Variants in PTPRF observed in about 807,000 individuals in gnomAD.
PTPRF encodes the protein protein tyrosine phosphatase receptor type F, also known as receptor-type tyrosine-protein phosphatase F.
PTPRF carries 59 observed loss-of-function variants against 201.8 expected under a neutral mutation model. The observed-to-expected ratio is 0.29, with a 90% CI of 0.24 to 0.36. PTPRF has a LOEUF of 0.36. Ranked by LOEUF, PTPRF falls within the 10% of genes least tolerant of loss-of-function variation. PTPRF has a pLI of 1.00. For synonymous variants in PTPRF, 1,088 were observed against 1,089.7 expected (o/e 1.00, Z 0.03); for missense variants, 2,132 against 2,690.5 (o/e 0.79, Z 4.59).
At chr1:43,590,136 G>A (rs10890262) in intron 8 of PTPRF, among the ~76,000 whole-genome samples, 39,518 of 151,978 alleles carry the variant, frequency 0.26, 6,080 homozygotes, top group East Asian at 0.48. Context: ...TCCGTTTGCC[G>A]TGCTCCTTGC....
intron 5 of PTPRF, among the ~76,000 whole-genome samples, chr1:43,559,912 C>T (rs1203255875): frequency 1.4e-4 from 16 of 116,334 alleles, no homozygotes; most frequent in Admixed American, 8.8e-4. Flanking sequence ...TGTGTGCGCG[C>T]GTGTGTACAG....
At position 43,605,276 on chromosome 1, in the gene PTPRF, G is replaced by T; in HGVS notation, c.3222G>T (p.Ser1074=). ...IADLQPNTEY[S]FVLMNRGSSA... ...ACCTGCAGCCCAACACAGAGTACTCGTTTGTGCTGATGAACCGTGGCAGCA... is the reference window on the plus strand; with the variant it reads ...ACCTGCAGCCCAACACAGAGTACTCTTTTGTGCTGATGAACCGTGGCAGCA... Residue 1074 remains serine (S), a synonymous_variant, in exon 18 of 34, where the codon TCG becomes TCT. Coordinates refer to ENST00000359947, the MANE Select transcript of PTPRF (RefSeq NM_002840.5). 6.2e-7 allele frequency: 1 copy of T among 1,613,140 alleles called. No homozygotes were observed. The highest frequency in any genetic ancestry group is 8.5e-7 in the Non-Finnish European group (1 of 1,179,400).
intron 11 of PTPRF, among the ~76,000 whole-genome samples, chr1:43,594,806 G>A: frequency 6.6e-6 from 1 of 152,192 alleles, no homozygotes; most frequent in East Asian, 1.9e-4. Flanking sequence ...CCAAGTTCAA[G>A]ATGCCGTGTG....
At chr1:43,605,501 A>C (rs776948206) in intron 18 of PTPRF, 28 bp from the exon 19 acceptor site, 22 of 1,613,510 alleles carry the variant, frequency 1.4e-5, no homozygotes, top group Non-Finnish European at 1.8e-5. Context: ...CAGCAGTGAC[A>C]GTCCTGATTC....
Position 43,546,312 on chromosome 1 carries a change from C to G in PTPRF, c.91+1146C>G, listed in dbSNP as rs1400121560. Among the ~76,000 whole-genome samples the G allele has an allele frequency of 6.6e-6, 1 of 152,034 alleles. No homozygotes were observed. Among genetic ancestry groups the G allele is most frequent in the Non-Finnish European group, 1.5e-5 (1 of 67,998 alleles). On this transcript the variant is annotated intron_variant, in intron 3 of 33. Transcript: ENST00000359947. This position sits in a 1 kb window ranked among gnomAD's most constrained non-coding sequence, Gnocchi z 4.2. ...GGGAAAGGAGAAGGGGCAGGCATTC[C>G]CAAGGGGTGGGGCAAAGGGTCATGG...
chr1:43,598,316 T>A (rs1652890094), intron 12 of PTPRF: 1 of 486,326 alleles, frequency 2.1e-6, no homozygotes, highest in Non-Finnish European at 3.6e-6. Context: ...AAGGTCAAGA[T>A]TGGGCAGATT....
intron 13 of PTPRF, among the ~76,000 whole-genome samples, chr1:43,601,313 G>T (rs901046620): frequency 6.6e-6 from 1 of 152,186 alleles, no homozygotes; most frequent in African/African-American, 2.4e-5. Context: ...TGCACCAAAG[G>T]CCCGCAACAC....
intron 5 of PTPRF, among the ~76,000 whole-genome samples, chr1:43,568,939 C>T (rs1015986364): frequency 2.0e-5 from 3 of 152,312 alleles, no homozygotes; most frequent in Admixed American, 6.5e-5. Context: ...GACCGTGACT[C>T]CCAGGGTCAG....
Position 43,588,103 on chromosome 1 carries a change from C to T in PTPRF, c.680-628C>T, listed in dbSNP as rs1022358557. On this transcript the variant is annotated intron_variant, in intron 7 of 33. Transcript: ENST00000359947. The surrounding 1 kb of genome is among the most constrained non-coding windows in gnomAD (Gnocchi z 5.3). ...TGACCCCTGCCCCTCCCCAGTCCTCCTGAGGGCAGCCCTTTTGCTTGGGTT... is the reference window on the plus strand; with the variant it reads ...TGACCCCTGCCCCTCCCCAGTCCTCTTGAGGGCAGCCCTTTTGCTTGGGTT... Among the ~76,000 whole-genome samples the T allele has an allele frequency of 1.3e-5, 2 of 152,210 alleles. No homozygotes were observed. Among genetic ancestry groups the T allele is most frequent in the East Asian group, 3.9e-4 (2 of 5,192 alleles).
At position 43,605,571 on chromosome 1, in the gene PTPRF, G is replaced by A. The variant is rs763392940; in HGVS notation, c.3432G>A (p.Gly1144=). The A allele has an allele frequency of 2.5e-6, 4 of 1,614,150 alleles. No homozygotes were observed. Among genetic ancestry groups the A allele is most frequent in the Middle Eastern group, 1.6e-4 (1 of 6,062 alleles). The change falls in exon 19 of 34, where the codon GGG becomes GGA. Residue 1144 remains glycine, a synonymous_variant. Coordinates refer to ENST00000359947, the MANE Select transcript of PTPRF (RefSeq NM_002840.5). ...IVVVPIDRVG[G]SMLTPRWSTP... is the part of the protein sequence containing the mutation. ...TGGTGCCCATTGACCGTGTGGGCGG[G>A]AGCATGCTGACGCCAAGGTGGAGCA...
upstream of PTPRF, among the ~76,000 whole-genome samples, chr1:43,524,596 G>A (rs1643043911): frequency 6.6e-6 from 1 of 152,170 alleles, no homozygotes; most frequent in Admixed American, 6.5e-5. Flanking sequence ...GGTTGGGGGT[G>A]GTGCTCAGGG....
In PTPRF at chr1:43,588,001, C is replaced by T. The variant is rs750750270; in HGVS notation, c.680-730C>T. On this transcript the variant is annotated intron_variant, in intron 7 of 33. Coordinates refer to ENST00000359947, the MANE Select transcript of PTPRF (RefSeq NM_002840.5). The surrounding 1 kb of genome is among the most constrained non-coding windows in gnomAD (Gnocchi z 5.3). Reference sequence around the variant, plus strand: ...ACCCTTGTTTGTTGGCGCAGGAAGCCGTCTGTTCGGCGCCCTCATCATGTT... The same window carrying T: ...ACCCTTGTTTGTTGGCGCAGGAAGCTGTCTGTTCGGCGCCCTCATCATGTT... 6.6e-6 allele frequency among the ~76,000 whole-genome samples: 1 copy of T among 152,166 alleles called. No homozygotes were observed. Among genetic ancestry groups the T allele is most frequent in the South Asian group, 2.1e-4 (1 of 4,822 alleles).
In PTPRF at chr1:43,603,796, C is replaced by CTGCACAAG. The variant is rs1654378269; in HGVS notation, c.2645_2652dup (p.Gly885CysfsTer43). The stretch of plus-strand genomic sequence containing the variant: ...TGACCAGCACTTCACAGTCACCGGC[C>CTGCACAAG]TGCACAAGGGGACCACCTACATCTT... On this transcript the variant is annotated frameshift_variant, in exon 16 of 34. Transcript: ENST00000359947. LOFTEE classifies it high-confidence loss of function. This position sits in a 1 kb window ranked among gnomAD's most constrained non-coding sequence, Gnocchi z 5.8. The CTGCACAAG allele has an allele frequency of 6.2e-7, 1 of 1,614,144 alleles. No homozygotes were observed. Among genetic ancestry groups the CTGCACAAG allele is most frequent in the Non-Finnish European group, 8.5e-7 (1 of 1,180,034 alleles).
At chr1:43,561,095 G>T (rs1645775509) in intron 5 of PTPRF, among the ~76,000 whole-genome samples, 1 of 152,104 alleles carries the variant, frequency 6.6e-6, no homozygotes, top group African/African-American at 2.4e-5. Flanking sequence ...CTGGCTTTGG[G>T]GCTCGTGGGA....
In PTPRF at chr1:43,534,607, G is replaced by C. The variant is rs140934528; in HGVS notation, c.-126+3517G>C. ...GTTAGGGACTTGGTGAGGAGGGGCAGAGAATAAGCTCTTAGTTGGACATGT... is the reference window on the plus strand; with the variant it reads ...GTTAGGGACTTGGTGAGGAGGGGCACAGAATAAGCTCTTAGTTGGACATGT... On this transcript the variant is annotated intron_variant, in intron 1 of 33. Transcript: ENST00000359947. Among the ~76,000 whole-genome samples, 372 of 152,282 alleles carry C rather than the reference G, an allele frequency of 2.4e-3. 1 individual carries two copies. The highest frequency in any genetic ancestry group is 8.6e-3 in the African/African-American group (358 of 41,548).
Position 43,613,719 on chromosome 1 carries a change from A to G in PTPRF, c.4071+4A>G, listed in dbSNP as rs1216333166. ...CAAGTTCTCCCAGGAGTATGAGGTG[A>G]GATGTTCCCGCCCCCTACCATGTGC... On this transcript the variant is annotated splice_donor_region_variant and intron_variant, in intron 23 of 33. Transcript: ENST00000359947. The G allele has an allele frequency of 6.2e-7, 1 of 1,612,582 alleles. No individual in the cohort carries two copies. Among genetic ancestry groups the G allele is most frequent in the African/African-American group, 1.3e-5 (1 of 74,898 alleles).
intron 22 of PTPRF, chr1:43,612,778 C>T: frequency 1.5e-6 from 2 of 1,365,878 alleles, no homozygotes; most frequent in Non-Finnish European, 2.0e-6. Flanking sequence ...GTTCCAGTGT[C>T]CCCAGTTGCC....
Position 43,603,366 on chromosome 1 carries a change from G to C in PTPRF, c.2341-50G>C, listed in dbSNP as rs747889440. 3.3e-6 allele frequency: 5 copies of C among 1,538,198 alleles called. No homozygotes were observed. In the African/African-American group the frequency reaches 6.8e-5, roughly 21 times the overall value. On this transcript the variant is annotated intron_variant, in intron 14 of 33. Transcript: ENST00000359947. The surrounding 1 kb of genome is among the most constrained non-coding windows in gnomAD (Gnocchi z 5.8). ...GTCCTGAGGTCCCTGACAAGGTCTG[G>C]CCTCTCCCTGCATTCTTGTGATGGG...
chr1:43,612,698 A>G, intron 22 of PTPRF: 1 of 1,293,008 alleles, frequency 7.7e-7, no homozygotes, highest in South Asian at 1.2e-5. Flanking sequence ...TGTAAGCAGA[A>G]AAAGTTAACG....
Sources: gnomAD v4.1 joint callset for allele counts (sites outside exome capture counted in the v4.1 genomes callset) on GRCh38, gnomAD v4.1.1 for gene constraint, Gnocchi (gnomAD v3.1) non-coding constraint, MANE v1.5 for transcripts, NCBI Gene and HGNC (gene_info 2026-07-23, HGNC 2026-07-21) for gene names.